The following RABGAP1L variants were observed in gnomAD, a reference collection of about 807,000 sequenced individuals.
RABGAP1L encodes the protein RAB GTPase activating protein 1 like.
Under a neutral mutation model 137.7 loss-of-function variants are expected in RABGAP1L, and 63 were observed. The observed-to-expected ratio is 0.46, with a 90% confidence interval of 0.37 to 0.56. The LOEUF (loss-of-function observed/expected upper bound fraction) is 0.56, where lower values mean the gene tolerates loss of function less well. Among genes scored for constraint, RABGAP1L ranks in the 20% least tolerant of loss-of-function variants. The probability of loss-of-function intolerance (pLI) is 0.00; values close to 1 mark genes in which losing one functional copy is unlikely to be tolerated. For missense variants in RABGAP1L, 1,095 were observed against 1,244.0 expected, an observed-to-expected ratio of 0.88 and a Z score of 1.80; for synonymous variants, 431 against 433.7, an observed-to-expected ratio of 0.99 and a Z score of 0.08.
chr1:174,626,221 G>A (rs190547977), intron 13 of RABGAP1L, among the ~76,000 whole-genome samples: 17 of 152,316 alleles, frequency 1.1e-4, no homozygotes, highest in Admixed American at 1.1e-3. Context: ...AACCCCACAT[G>A]TTTGTGGTAG....
intron 1 of RABGAP1L, among the ~76,000 whole-genome samples, chr1:174,195,705 CTTCTTTCTT>C (rs1379428426): frequency 2.0e-4 from 20 of 98,110 alleles, no homozygotes; most frequent in South Asian, 3.3e-4. Context: ...TCCTTCTTTC[CTTCTTTCTT>C]TTCTTTCTTT....
At chr1:174,665,257 A>C (rs1451936740) in intron 14 of RABGAP1L, among the ~76,000 whole-genome samples, 8 of 152,142 alleles carry the variant, frequency 5.3e-5, no homozygotes, top group Non-Finnish European at 1.0e-4. Context: ...CTGCATTCTA[A>C]CTGGAACAAA....
At chr1:174,919,391 T>G (rs1456383174) in intron 19 of RABGAP1L, among the ~76,000 whole-genome samples, 2 of 152,190 alleles carry the variant, frequency 1.3e-5, no homozygotes, top group African/African-American at 4.8e-5. Flanking sequence ...GCTGGGACCA[T>G]TAACTGAAAC....
At chr1:174,412,136 T>C (rs1029302254) in intron 13 of RABGAP1L, among the ~76,000 whole-genome samples, 2 of 152,158 alleles carry the variant, frequency 1.3e-5, no homozygotes, top group African/African-American at 4.8e-5. Context: ...TAGACATACT[T>C]GTTTATACCC....
chr1:174,816,447 C>T (rs185151587), intron 19 of RABGAP1L, among the ~76,000 whole-genome samples: 1 of 151,524 alleles, frequency 6.6e-6, no homozygotes, highest in Non-Finnish European at 1.5e-5. Context: ...CACCAGGCCT[C>T]GTAATATATA....
chr1:174,548,975 T>G (rs1026715453), intron 13 of RABGAP1L, among the ~76,000 whole-genome samples: 3 of 152,198 alleles, frequency 2.0e-5, no homozygotes, highest in Non-Finnish European at 4.4e-5. Flanking sequence ...GATTTAAAAA[T>G]TTAGTGGCCG....
At chr1:174,781,713 G>A (rs918794847) in intron 18 of RABGAP1L, among the ~76,000 whole-genome samples, 1 of 152,174 alleles carries the variant, frequency 6.6e-6, no homozygotes, top group Non-Finnish European at 1.5e-5. Flanking sequence ...TAATATTTAA[G>A]TCTTTAATCC....
intron 14 of RABGAP1L, among the ~76,000 whole-genome samples, chr1:174,660,422 C>G (rs1269922151): frequency 1.3e-5 from 2 of 152,186 alleles, no homozygotes; most frequent in Non-Finnish European, 2.9e-5. Context: ...CCCAGCACCA[C>G]ACAACCAGTT....
intron 17 of RABGAP1L, among the ~76,000 whole-genome samples, chr1:174,731,163 G>A (rs1279938959): frequency 3.9e-5 from 6 of 152,066 alleles, no homozygotes; most frequent in African/African-American, 1.4e-4. Context: ...ATTAGAGAAG[G>A]GGTTTCACCA....
intron 17 of RABGAP1L, among the ~76,000 whole-genome samples, chr1:174,716,306 C>T (rs184913215): frequency 2.0e-5 from 3 of 152,090 alleles, no homozygotes; most frequent in Admixed American, 1.3e-4. Context: ...GTTGTGTTGC[C>T]GAGAGTAGAG....
At chr1:174,434,170 G>A (rs1652999911) in intron 13 of RABGAP1L, among the ~76,000 whole-genome samples, 1 of 143,388 alleles carries the variant, frequency 7.0e-6, no homozygotes, top group Admixed American at 6.9e-5. Flanking sequence ...GGGGCAACTA[G>A]GGTTCTGATT....
chr1:174,878,888 AATG>A (rs1461870460), intron 19 of RABGAP1L, among the ~76,000 whole-genome samples: 1 of 151,156 alleles, frequency 6.6e-6, no homozygotes, highest in African/African-American at 2.4e-5. Context: ...GGTATTTAAT[AATG>A]ATATTAAGAG....
intron 13 of RABGAP1L, among the ~76,000 whole-genome samples, chr1:174,635,723 G>A (rs1157260936): frequency 2.0e-5 from 3 of 152,020 alleles, no homozygotes; most frequent in Admixed American, 1.3e-4. Flanking sequence ...TATGTTCAAT[G>A]TTTGCTAGGA....
At chr1:174,950,064 C>T (rs987989084) in intron 19 of RABGAP1L, among the ~76,000 whole-genome samples, 4 of 152,136 alleles carry the variant, frequency 2.6e-5, no homozygotes, top group Non-Finnish European at 1.5e-5. Flanking sequence ...CAAGTGTGCA[C>T]ACCACTAGGA....
chr1:174,207,983 C>T (rs1668616112), intron 1 of RABGAP1L, among the ~76,000 whole-genome samples: 1 of 152,180 alleles, frequency 6.6e-6, no homozygotes. Flanking sequence ...GACAATTTAA[C>T]AACTTTGAAT....
rs1435300288 is a variant in RABGAP1L at position 174,730,965 on chromosome 1, GTATCTTGC to G, written c.2170-21344_2170-21337del. Among the ~76,000 whole-genome samples the G allele has an allele frequency of 2.5e-4, 38 of 152,046 alleles. 1 individual carries two copies. Among genetic ancestry groups the G allele is most frequent in the Non-Finnish European group, 1.3e-4 (9 of 67,992 alleles). On this transcript the variant is annotated intron_variant, in intron 17 of 25. Coordinates refer to ENST00000681986, the MANE Select transcript of RABGAP1L (RefSeq NM_001366446.1). ...ACCTCCCCTGAAGTGATGGTAAGGAGTATCTTGCTATTTTATTTTTATTTTTTGAAAGA... is the reference window on the plus strand; with the variant it reads ...ACCTCCCCTGAAGTGATGGTAAGGAGTATTTTATTTTTATTTTTTGAAAGA...
intron 21 of RABGAP1L, among the ~76,000 whole-genome samples, chr1:174,973,999 T>G (rs1216603911): frequency 7.2e-5 from 10 of 137,962 alleles, no homozygotes; most frequent in Non-Finnish European, 1.6e-4. Flanking sequence ...TTTTTTTTTT[T>G]TTTTTTTGAG....
At chr1:174,555,184 T>A (rs1666794180) in intron 13 of RABGAP1L, among the ~76,000 whole-genome samples, 1 of 152,190 alleles carries the variant, frequency 6.6e-6, no homozygotes, top group Non-Finnish European at 1.5e-5. Flanking sequence ...ATAAATGGAA[T>A]AGACTATAAA....
At chr1:174,973,979 G>GTTT (rs58500594) in intron 21 of RABGAP1L, among the ~76,000 whole-genome samples, 48 of 85,786 alleles carry the variant, frequency 5.6e-4, no homozygotes, top group South Asian at 1.0e-3. Flanking sequence ...ATTGTTTTTT[G>GTTT]TTTTTTTTTT....
Sources: gnomAD v4.1 joint callset for allele counts (sites outside exome capture counted in the v4.1 genomes callset) on GRCh38, gnomAD v4.1.1 for gene constraint, MANE v1.5 for transcripts, NCBI Gene and HGNC (gene_info 2026-07-23, HGNC 2026-07-21) for gene names.